The following NCKAP5 variants were observed in gnomAD, a reference collection of about 807,000 sequenced individuals.
The protein encoded by NCKAP5 is nck-associated protein 5.
Under a neutral mutation model 167.0 loss-of-function variants are expected in NCKAP5, and 92 were observed. That is an observed-to-expected ratio of 0.55 (90% CI 0.47 to 0.66). The LOEUF is 0.66. Among genes scored for constraint, NCKAP5 ranks in the 30% least tolerant of loss-of-function variants. The pLI, the probability that NCKAP5 is intolerant of heterozygous loss-of-function variation, is 0.00. For synonymous variants in NCKAP5, 891 were observed against 877.4 expected (o/e 1.02, Z -0.27); for missense variants, 2,378 against 2,315.0 (o/e 1.03, Z -0.56).
intron 16 of NCKAP5, among the ~76,000 whole-genome samples, chr2:132,737,804 T>G (rs1176474638): frequency 6.6e-6 from 1 of 152,198 alleles, no homozygotes; most frequent in East Asian, 1.9e-4. Context: ...AAAATAAATG[T>G]TATTAGACTG....
At chr2:133,314,932 G>A (rs567964355) in intron 3 of NCKAP5, among the ~76,000 whole-genome samples, 4 of 152,282 alleles carry the variant, frequency 2.6e-5, no homozygotes, top group South Asian at 2.1e-4. Flanking sequence ...CAAAACCAGC[G>A]TAAAGGACTC....
intron 3 of NCKAP5, among the ~76,000 whole-genome samples, chr2:133,331,677 A>C (rs552796327): frequency 1.3e-5 from 2 of 152,328 alleles, no homozygotes; most frequent in South Asian, 4.1e-4. Context: ...AAGTGGCTGA[A>C]CCTTAGCAAC....
intron 3 of NCKAP5, among the ~76,000 whole-genome samples, chr2:133,498,917 T>C (rs926153616): frequency 4.6e-5 from 7 of 152,240 alleles, no homozygotes; most frequent in African/African-American, 7.2e-5. Flanking sequence ...AATTGTTTTA[T>C]GGCTCCAAGA....
chr2:132,716,734 C>T (rs560292709), intron 19 of NCKAP5, among the ~76,000 whole-genome samples: 1 of 152,106 alleles, frequency 6.6e-6, no homozygotes, highest in African/African-American at 2.4e-5. Flanking sequence ...AATTGAGCAA[C>T]GGCCTTGCTA....
At chr2:132,907,819 G>A (rs138482220) in intron 8 of NCKAP5, among the ~76,000 whole-genome samples, 6,007 of 151,780 alleles carry the variant, frequency 0.04, 633 homozygotes, top group East Asian at 0.24. Context: ...CACCATGCCC[G>A]GCTAATTTTT....
chr2:133,647,374 A>AG, the NCKAP5 span, among the ~76,000 whole-genome samples: 3,507 of 112,150 alleles, frequency 0.031, 255 homozygotes, highest in East Asian at 0.15. Context: ...GAAGGAAGAA[A>AG]GAAAGGAAGG....
At chr2:132,870,207 T>C (rs557198267) in intron 9 of NCKAP5, among the ~76,000 whole-genome samples, 2 of 152,304 alleles carry the variant, frequency 1.3e-5, no homozygotes, top group South Asian at 4.1e-4. Context: ...TATGTATTTG[T>C]GTTAAGATTT....
chr2:133,070,298 T>C (rs151156344), intron 6 of NCKAP5, among the ~76,000 whole-genome samples: 177 of 152,164 alleles, frequency 1.2e-3, no homozygotes, highest in Middle Eastern at 6.8e-3. Context: ...AATTAAAAAA[T>C]GGGATGATAT....
intron 15 of NCKAP5, among the ~76,000 whole-genome samples, chr2:132,775,908 G>A (rs962429473): frequency 1.3e-5 from 2 of 152,086 alleles, no homozygotes; most frequent in East Asian, 1.9e-4. Flanking sequence ...TTTTAAACTC[G>A]CAGGGGTGCC....
At chr2:133,184,476 T>C (rs895266787) in intron 5 of NCKAP5, among the ~76,000 whole-genome samples, 2 of 152,192 alleles carry the variant, frequency 1.3e-5, no homozygotes, top group Non-Finnish European at 2.9e-5. Context: ...CCTTTGGGTG[T>C]ATACCCAGTA....
chr2:132,716,528 T>C (rs1441239848), intron 19 of NCKAP5, among the ~76,000 whole-genome samples: 1 of 152,128 alleles, frequency 6.6e-6, no homozygotes, highest in Admixed American at 6.5e-5. Flanking sequence ...GAAATTCCAC[T>C]GTGCAAGCTC....
intron 6 of NCKAP5, chr2:133,122,648 T>C (rs180868540): frequency 6.6e-6 from 1 of 152,272 alleles, no homozygotes; most frequent in African/African-American, 2.4e-5. Flanking sequence ...AAATTTTTCA[T>C]CTAGGCTCGG....
chr2:133,338,212 C>T (rs1683342236), intron 3 of NCKAP5, among the ~76,000 whole-genome samples: 1 of 152,016 alleles, frequency 6.6e-6, no homozygotes, highest in Non-Finnish European at 1.5e-5. Flanking sequence ...GTTTTTAATG[C>T]TGTGAAGCAG....
At chr2:132,995,729 T>C (rs1235697600) in intron 6 of NCKAP5, among the ~76,000 whole-genome samples, 1 of 151,112 alleles carries the variant, frequency 6.6e-6, no homozygotes, top group African/African-American at 2.4e-5. Flanking sequence ...AATCCCAACA[T>C]TTTGGGAGGC....
the NCKAP5 span, among the ~76,000 whole-genome samples, chr2:133,671,258 T>G: frequency 6.6e-6 from 1 of 150,758 alleles, no homozygotes; most frequent in South Asian, 2.1e-4. Context: ...CAAAGATGCT[T>G]GTTTTGGTGG....
chr2:133,034,839 G>T (rs1204184074), intron 6 of NCKAP5, among the ~76,000 whole-genome samples: 1 of 151,776 alleles, frequency 6.6e-6, no homozygotes, highest in Non-Finnish European at 1.5e-5. Flanking sequence ...CAGGAAGACA[G>T]AAATGAAAGA....
At chr2:133,141,026 T>G (rs1330146138) in intron 5 of NCKAP5, among the ~76,000 whole-genome samples, 1 of 152,086 alleles carries the variant, frequency 6.6e-6, no homozygotes, top group Admixed American at 6.6e-5. Flanking sequence ...ATGAATCCTC[T>G]TGACCCCCCA....
Position 133,333,349 on chromosome 2 carries a change from C to T in NCKAP5, c.70-30239G>A, listed in dbSNP as rs114689710. Reference sequence around the variant, plus strand: ...TTAGTCAGCAGAGGGTATGATACATCGGAAGAGGAAAGGCTACGGAGTCAC... The same window carrying T: ...TTAGTCAGCAGAGGGTATGATACATTGGAAGAGGAAAGGCTACGGAGTCAC... On this transcript the variant is annotated intron_variant, in intron 3 of 19. Coordinates refer to ENST00000409261, the MANE Select transcript of NCKAP5 (RefSeq NM_207363.3). Among the ~76,000 whole-genome samples the T allele has an allele frequency of 8.0e-3, 1,214 of 152,206 alleles. 19 individuals carry two copies. The highest frequency in any genetic ancestry group is 0.026 in the African/African-American group (1,060 of 41,522).
intron 16 of NCKAP5, among the ~76,000 whole-genome samples, chr2:132,766,425 T>A (rs189184691): frequency 6.6e-6 from 1 of 152,020 alleles, no homozygotes; most frequent in African/African-American, 2.4e-5. Flanking sequence ...GCAAGAAATT[T>A]CTATTCTTAT....
Sources: gnomAD v4.1 joint callset for allele counts (sites outside exome capture counted in the v4.1 genomes callset) on GRCh38, gnomAD v4.1.1 for gene constraint, MANE v1.5 for transcripts, NCBI Gene and HGNC (gene_info 2026-07-23, HGNC 2026-07-21) for gene names.